DSCAM: variants seen among roughly 807,000 people sequenced by gnomAD.
The protein encoded by DSCAM is cell adhesion molecule DSCAM.
A neutral mutation model predicts 217.7 loss-of-function variants in DSCAM; 47 were observed. That is an observed-to-expected ratio of 0.22 (90% CI 0.17 to 0.28). The LOEUF (loss-of-function observed/expected upper bound fraction) is 0.28. Ranked by LOEUF, DSCAM falls within the 10% of genes least tolerant of loss-of-function variation. The pLI is 1.00. For missense variants in DSCAM, 2,080 were observed against 2,618.3 expected, an observed-to-expected ratio of 0.79 and a Z score of 4.49; for synonymous variants, 1,056 against 1,015.3, an observed-to-expected ratio of 1.04 and a Z score of -0.76.
intron 19 of DSCAM, among the ~76,000 whole-genome samples, chr21:40,130,650 C>T (rs1256760638): frequency 6.6e-6 from 1 of 152,124 alleles, no homozygotes; most frequent in Non-Finnish European, 1.5e-5. Context: ...AGACTATGTC[C>T]ATGGCCCTGA....
In DSCAM at chr21:40,078,622, G is replaced by A. The variant is rs149211648; in HGVS notation, c.4711+65C>T. 2.0e-3 allele frequency: 3,070 copies of A among 1,565,582 alleles called. 7 individuals carry two copies. The highest frequency in any genetic ancestry group is 2.4e-3 in the Non-Finnish European group (2,786 of 1,153,510). ...GCAAAGATGATGTTCGATGGGAAAG[G>A]GGCAGGGCCCACGTGCACATCCCCC... On this transcript the variant is annotated intron_variant, in intron 26 of 32. Transcript: ENST00000400454.
intron 20 of DSCAM, among the ~76,000 whole-genome samples, chr21:40,102,094 A>T (rs2089759480): frequency 6.6e-6 from 1 of 151,966 alleles, no homozygotes; most frequent in Non-Finnish European, 1.5e-5. Flanking sequence ...TGGCAAACAG[A>T]TTAATTTAAA....
At chr21:40,069,996 A>G (rs1428016373) in intron 27 of DSCAM, among the ~76,000 whole-genome samples, 2 of 151,998 alleles carry the variant, frequency 1.3e-5, no homozygotes, top group Non-Finnish European at 2.9e-5. Flanking sequence ...TGAGACCCAC[A>G]ATCCCCTCCT....
rs754334055 is a variant in DSCAM at position 40,133,921 on chromosome 21, C to A, written c.3495G>T (p.Val1165=). ...LEKYTNYSIQ[V]LAFTRAGDGV... is the part of the protein sequence containing the mutation. ...CGTCTCCTGCGCGGGTGAAGGCCAG[C>A]ACCTGGATGCTGTAGTTGGTGTACT... Residue 1165 remains valine, a synonymous_variant, in exon 19 of 33, where the codon GTG becomes GTT. Coordinates refer to ENST00000400454, the MANE Select transcript of DSCAM (RefSeq NM_001389.5). The A allele has an allele frequency of 1.2e-6, 2 of 1,613,824 alleles. No individual in the cohort carries two copies. The highest frequency in any genetic ancestry group is 1.7e-6 in the Non-Finnish European group (2 of 1,179,856).
At chr21:40,036,548 C>G (rs1332138689) in intron 32 of DSCAM, among the ~76,000 whole-genome samples, 1 of 146,826 alleles carries the variant, frequency 6.8e-6, no homozygotes, top group Non-Finnish European at 1.5e-5. Flanking sequence ...AAAAAGAGTC[C>G]AGGACCAGAT....
intron 3 of DSCAM, among the ~76,000 whole-genome samples, chr21:40,573,696 A>G (rs2076826564): frequency 6.6e-6 from 1 of 152,154 alleles, no homozygotes. Context: ...AAAGAAAATT[A>G]ACAATGTGAG....
intron 28 of DSCAM, among the ~76,000 whole-genome samples, chr21:40,060,968 G>A (rs974608045): frequency 1.3e-5 from 2 of 152,144 alleles, no homozygotes; most frequent in Non-Finnish European, 2.9e-5. Flanking sequence ...GGCATCTCAT[G>A]CAATTTCTGT....
intron 27 of DSCAM, among the ~76,000 whole-genome samples, chr21:40,071,329 G>A (rs1352962678): frequency 6.6e-6 from 1 of 152,110 alleles, no homozygotes; most frequent in Admixed American, 6.5e-5. Flanking sequence ...TTAGGAGGTC[G>A]CCATGCTCTA....
At chr21:40,589,359 C>T (rs144973775) in intron 3 of DSCAM, among the ~76,000 whole-genome samples, 6,433 of 152,214 alleles carry the variant, frequency 0.042, 178 homozygotes, top group Middle Eastern at 0.14. Context: ...GGGTGGATCA[C>T]GAGGTTAGGA....
chr21:40,575,314 C>A (rs2076840909), intron 3 of DSCAM, among the ~76,000 whole-genome samples: 1 of 152,016 alleles, frequency 6.6e-6, no homozygotes, highest in African/African-American at 2.4e-5. Context: ...TTCGCTGACT[C>A]TTTTTGGACT....
chr21:40,765,788 G>A lies in DSCAM; in HGVS notation c.44-57017C>T, dbSNP rs144562157. ...CTATAACCAAAGCTGACGTCTCATT[G>A]CATGATCAGCGATCAGTGCCTGTTA... On this transcript the variant is annotated intron_variant, in intron 1 of 32. Transcript: ENST00000400454. 9.0e-4 allele frequency among the ~76,000 whole-genome samples: 137 copies of A among 152,328 alleles called. 1 individual carries two copies. Among genetic ancestry groups the A allele is most frequent in the African/African-American group, 3.1e-3 (130 of 41,568 alleles).
At chr21:40,235,583 A>T (rs1473472492) in intron 11 of DSCAM, among the ~76,000 whole-genome samples, 1 of 152,122 alleles carries the variant, frequency 6.6e-6, no homozygotes, top group Non-Finnish European at 1.5e-5. Flanking sequence ...GAAGAAAGAA[A>T]ATGGCACCAC....
chr21:40,040,473 A>C (rs532714748), intron 32 of DSCAM, among the ~76,000 whole-genome samples: 1 of 152,308 alleles, frequency 6.6e-6, no homozygotes, highest in African/African-American at 2.4e-5. Context: ...ATCACACACA[A>C]AGGGAAAATG....
intron 20 of DSCAM, among the ~76,000 whole-genome samples, chr21:40,101,789 G>A (rs57921150): frequency 3.3e-5 from 5 of 151,804 alleles, no homozygotes; most frequent in Non-Finnish European, 7.4e-5. Context: ...GAGGTGGTGG[G>A]GGGGGGTCCA....
intron 3 of DSCAM, among the ~76,000 whole-genome samples, chr21:40,665,291 G>T (rs538558490): frequency 6.6e-6 from 1 of 152,278 alleles, no homozygotes; most frequent in Admixed American, 6.5e-5. Context: ...ATGACAAGAA[G>T]AGACCAGCCA....
At chr21:40,495,513 G>T (rs2076111039) in intron 3 of DSCAM, among the ~76,000 whole-genome samples, 1 of 152,056 alleles carries the variant, frequency 6.6e-6, no homozygotes, top group Admixed American at 6.6e-5. Context: ...CAACAAATTA[G>T]GTATAGAAAG....
At chr21:40,296,247 T>G (rs2073952615) in intron 9 of DSCAM, 73 bp from the exon 10 acceptor site, 6 of 1,496,748 alleles carry the variant, frequency 4.0e-6, no homozygotes, top group Non-Finnish European at 5.5e-6. Context: ...TCTAAGAAAC[T>G]GAATCATTTT....
At chr21:40,585,182 T>A (rs529234518) in intron 3 of DSCAM, among the ~76,000 whole-genome samples, 1 of 146,668 alleles carries the variant, frequency 6.8e-6, no homozygotes, top group African/African-American at 2.5e-5. Flanking sequence ...TCAACTTCTT[T>A]TTTTTTTTTT....
At chr21:40,264,130 A>C (rs2073490672) in intron 11 of DSCAM, among the ~76,000 whole-genome samples, 1 of 152,094 alleles carries the variant, frequency 6.6e-6, no homozygotes, top group East Asian at 1.9e-4. Context: ...ACATTCAAAA[A>C]AGAATTGGTA....
Sources: gnomAD v4.1 joint callset for allele counts (sites outside exome capture counted in the v4.1 genomes callset) on GRCh38, gnomAD v4.1.1 for gene constraint, MANE v1.5 for transcripts, NCBI Gene and HGNC (gene_info 2026-07-23, HGNC 2026-07-21) for gene names.